The following FOXP1 variants were observed in gnomAD, a reference collection of about 807,000 sequenced individuals.
FOXP1 encodes the protein forkhead box P1.
A neutral mutation model predicts 98.2 loss-of-function variants in FOXP1; 15 were observed. The observed-to-expected ratio is 0.15, with a 90% confidence interval of 0.10 to 0.24. The LOEUF is 0.24. FOXP1 is among the 10% of genes least tolerant of loss of function. The pLI, the probability that FOXP1 is intolerant of heterozygous loss-of-function variation, is 1.00. For missense variants in FOXP1, 633 were observed against 848.5 expected (o/e 0.75, Z 3.15); for synonymous variants, 371 against 314.5 (o/e 1.18, Z -1.90).
intron 7 of FOXP1, among the ~76,000 whole-genome samples, chr3:71,082,794 C>T (rs1216735136): frequency 1.3e-5 from 2 of 152,142 alleles, no homozygotes; most frequent in African/African-American, 2.4e-5. Flanking sequence ...ATACTGCGCT[C>T]CCAATCCAGG....
intron 4 of FOXP1, among the ~76,000 whole-genome samples, chr3:71,328,356 A>G (rs1009080152): frequency 6.6e-6 from 1 of 152,266 alleles, no homozygotes. Context: ...TGCTCCACAC[A>G]TAGATCTTAT....
At chr3:71,447,135 C>T (rs763421358) in intron 3 of FOXP1, among the ~76,000 whole-genome samples, 12 of 152,218 alleles carry the variant, frequency 7.9e-5, no homozygotes, top group Non-Finnish European at 1.8e-4. Flanking sequence ...CATAGGAAAC[C>T]TCAGTAAATA....
intron 12 of FOXP1, among the ~76,000 whole-genome samples, chr3:71,013,405 T>C (rs2043952436): frequency 6.6e-6 from 1 of 152,144 alleles, no homozygotes; most frequent in Non-Finnish European, 1.5e-5. Context: ...TGCAATTGCT[T>C]CAAAGAGAAT....
intron 2 of FOXP1, among the ~76,000 whole-genome samples, chr3:71,494,285 C>G (rs1213512948): frequency 6.6e-6 from 1 of 152,172 alleles, no homozygotes; most frequent in East Asian, 1.9e-4. Context: ...CTTCAAGTTC[C>G]TTCTACCTCT....
chr3:71,214,489 A>G (rs189423498), intron 5 of FOXP1, among the ~76,000 whole-genome samples: 1 of 152,286 alleles, frequency 6.6e-6, no homozygotes, highest in Admixed American at 6.5e-5. Flanking sequence ...AACAGGATTC[A>G]TTCATCAACT....
chr3:70,980,642 C>T (rs1406349303), intron 14 of FOXP1, among the ~76,000 whole-genome samples: 1 of 152,210 alleles, frequency 6.6e-6, no homozygotes, highest in African/African-American at 2.4e-5. Context: ...TAACCAGTTT[C>T]ATTTTTCTGT....
chr3:71,119,704 C>T (rs982375019), intron 6 of FOXP1, among the ~76,000 whole-genome samples: 6 of 152,052 alleles, frequency 3.9e-5, no homozygotes, highest in African/African-American at 1.2e-4. Context: ...GTAGCAAGAC[C>T]GAGGACTGAG....
At chr3:71,226,209 C>G (rs1332504459) in intron 5 of FOXP1, among the ~76,000 whole-genome samples, 7 of 152,200 alleles carry the variant, frequency 4.6e-5, no homozygotes, top group Non-Finnish European at 8.8e-5. Context: ...CTTCCCATTT[C>G]CTAGAGCTAA....
intron 3 of FOXP1, among the ~76,000 whole-genome samples, chr3:71,446,020 T>C (rs760438498): frequency 2.6e-5 from 4 of 151,298 alleles, no homozygotes; most frequent in Admixed American, 6.6e-5. Context: ...CAAGTATCTA[T>C]TGAAAACAAC....
At chr3:71,262,869 C>A (rs1271584423) in intron 5 of FOXP1, among the ~76,000 whole-genome samples, 1 of 152,150 alleles carries the variant, frequency 6.6e-6, no homozygotes, top group African/African-American at 2.4e-5. Context: ...ATGATCTGAC[C>A]CGGTAGATCT....
chr3:71,125,344 C>G (rs1352675149), intron 6 of FOXP1, among the ~76,000 whole-genome samples: 1 of 152,136 alleles, frequency 6.6e-6, no homozygotes, highest in Non-Finnish European at 1.5e-5. Flanking sequence ...ACAAAAAGTC[C>G]ACTAATCCAT....
chr3:71,277,808 T>A (rs903533601), intron 5 of FOXP1, among the ~76,000 whole-genome samples: 3 of 152,282 alleles, frequency 2.0e-5, no homozygotes, highest in East Asian at 1.9e-4. Flanking sequence ...GGAGTATTTA[T>A]TTAATTAATT....
chr3:71,166,359 G>GC (rs1381644462), intron 6 of FOXP1, among the ~76,000 whole-genome samples: 1 of 152,140 alleles, frequency 6.6e-6, no homozygotes, highest in Non-Finnish European at 1.5e-5. Context: ...ACCTGTTACG[G>GC]CCCCCATCTT....
chr3:71,030,640 T>C (rs1376610789), intron 11 of FOXP1, among the ~76,000 whole-genome samples: 2 of 152,238 alleles, frequency 1.3e-5, no homozygotes, highest in African/African-American at 2.4e-5. Flanking sequence ...TGAATGGATA[T>C]ACCTTGGAAG....
intron 11 of FOXP1, among the ~76,000 whole-genome samples, chr3:71,018,295 T>C (rs1185752704): frequency 6.6e-6 from 1 of 152,196 alleles, no homozygotes; most frequent in African/African-American, 2.4e-5. Context: ...ACTAGGGCCT[T>C]AGAACGCAAT....
At chr3:71,284,303 G>A (rs561973902) in intron 5 of FOXP1, among the ~76,000 whole-genome samples, 6 of 152,234 alleles carry the variant, frequency 3.9e-5, no homozygotes, top group South Asian at 4.1e-4. Flanking sequence ...AGTGGTTCAC[G>A]CCTGTAATCC....
At chr3:71,517,914 G>A (rs1458794869) in intron 2 of FOXP1, among the ~76,000 whole-genome samples, 1 of 152,200 alleles carries the variant, frequency 6.6e-6, no homozygotes, top group Admixed American at 6.5e-5. Flanking sequence ...TGGCATATAA[G>A]TGTCATTATT....
chr3:71,566,603 C>G (rs1244268923), intron 2 of FOXP1, among the ~76,000 whole-genome samples: 1 of 152,240 alleles, frequency 6.6e-6, no homozygotes, highest in Non-Finnish European at 1.5e-5. Flanking sequence ...AAATCTATGA[C>G]TGTGAGGGAG....
chr3:71,540,763 T>G (rs1345995698), intron 2 of FOXP1, among the ~76,000 whole-genome samples: 2 of 152,220 alleles, frequency 1.3e-5, no homozygotes, highest in African/African-American at 4.8e-5. Flanking sequence ...TGCACTATGC[T>G]GAATATGTAT....
Sources: gnomAD v4.1 joint callset for allele counts (sites outside exome capture counted in the v4.1 genomes callset) on GRCh38, gnomAD v4.1.1 for gene constraint, MANE v1.5 for transcripts, NCBI Gene and HGNC (gene_info 2026-07-23, HGNC 2026-07-21) for gene names.